IGDCC4: variants seen among roughly 807,000 people sequenced by gnomAD.
IGDCC4 encodes the protein likely ortholog of mouse neighbor of Punc E11.
In IGDCC4, 72 loss-of-function variants were observed where a neutral mutation model predicts 116.6. That is an observed-to-expected ratio of 0.62 (90% confidence interval 0.51 to 0.75). The LOEUF (loss-of-function observed/expected upper bound fraction) is 0.75, where lower values mean the gene tolerates loss of function less well. Ranked by LOEUF, IGDCC4 falls within the 30% of genes least tolerant of loss-of-function variation. The pLI is 0.00. For missense variants in IGDCC4, 1,501 were observed against 1,662.4 expected (o/e 0.90, Z 1.69); for synonymous variants, 709 against 719.9 (o/e 0.98, Z 0.24).
chr15:65,385,223 C>A, intron 18 of IGDCC4, 108 bp from the exon 19 acceptor site: 1 of 1,125,184 alleles, frequency 8.9e-7, no homozygotes, highest in East Asian at 2.7e-5. Context: ...AGGGTCCAGA[C>A]TGTCACCCGC....
intron 5 of IGDCC4, among the ~76,000 whole-genome samples, chr15:65,397,215 C>T (rs2062937057): frequency 6.6e-6 from 1 of 152,196 alleles, no homozygotes; most frequent in Admixed American, 6.5e-5. Flanking sequence ...GAAAGAATGT[C>T]AGAACCCCTG....
rs761621429 is a variant in IGDCC4, at chr15:65,388,901, T to TG, written c.2613dup (p.Thr872HisfsTer22). ...TCCACGATCTCCCCGTTGGGCTCTG[T>TG]GGGGGGGCACCAGTGCAGCCGAACC... On this transcript the variant is annotated frameshift_variant, in exon 15 of 20. Coordinates refer to ENST00000352385, the MANE Select transcript of IGDCC4 (RefSeq NM_020962.3). LOFTEE classifies it high-confidence loss of function. 2.2e-5 allele frequency: 35 copies of TG among 1,612,590 alleles called. No homozygotes were observed. The highest frequency in any genetic ancestry group is 8.0e-5 in the African/African-American group (6 of 74,576).
At chr15:65,403,912 G>T (rs1469047522) in intron 3 of IGDCC4, among the ~76,000 whole-genome samples, 1 of 152,152 alleles carries the variant, frequency 6.6e-6, no homozygotes, top group East Asian at 1.9e-4. Flanking sequence ...ACCTAAGGAG[G>T]GGGTGAATGG....
In IGDCC4 at chr15:65,402,425, G is replaced by C; in HGVS notation, c.626C>G (p.Pro209Arg). ...TGAGTTGGTGGCCACGCAGCGGTAG[G>C]GGCCTGCATCACTCTCCTGAACATC... is the stretch of plus-strand genomic sequence containing the variant. Reference protein sequence around the residue: ...ILDVQESDAGPYRCVATNSAR... With the variant: ...ILDVQESDAGRYRCVATNSAR... Residue 209 changes from proline to arginine, a missense_variant, in exon 4 of 20, where the codon CCC becomes CGC. This residue lies in a region of IGDCC4 where 898 missense variants were observed against 978.9 expected (regional missense o/e 0.92). Transcript: ENST00000352385. 1 of 1,567,666 alleles carries C rather than the reference G, an allele frequency of 6.4e-7. No individual in the cohort carries two copies. Among genetic ancestry groups the C allele is most frequent in the Non-Finnish European group, 8.7e-7 (1 of 1,155,484 alleles).
chr15:65,396,034 C>G lies in IGDCC4; in HGVS notation c.1127G>C (p.Arg376Pro). The G allele has an allele frequency of 6.8e-7, 1 of 1,465,140 alleles. No homozygotes were observed. Among genetic ancestry groups the G allele is most frequent in the Non-Finnish European group, 9.0e-7 (1 of 1,113,994 alleles). 90.8% of individuals were successfully genotyped at this position (1,465,140 alleles called of 1,614,324 possible). ...CTGGACCTTGACGCGCCCGTTGGGC[C>G]GCAGCGGCGCCCCGTTGTGCAGCCA... Reference protein sequence around the residue: ...LRWLHNGAPLRPNGRVKVQGG... With the variant: ...LRWLHNGAPLPPNGRVKVQGG... The change falls in exon 7 of 20, where the codon CGG (arginine) becomes CCG (proline). Residue 376 changes from arginine (R) to proline (P), a missense_variant. Coordinates refer to ENST00000352385, the MANE Select transcript of IGDCC4 (RefSeq NM_020962.3).
chr15:65,385,334 A>G, intron 18 of IGDCC4: 1 of 582,830 alleles, frequency 1.7e-6, no homozygotes, highest in Non-Finnish European at 3.0e-6. Flanking sequence ...GCGGAACACC[A>G]GACGCTCTGC....
chr15:65,400,919 T>C lies in IGDCC4; in HGVS notation c.728A>G (p.Asp243Gly). 1 of 1,614,108 alleles carries C rather than the reference T, an allele frequency of 6.2e-7. No homozygotes were observed. Among genetic ancestry groups the C allele is most frequent in the Non-Finnish European group, 8.5e-7 (1 of 1,180,008 alleles). Residue 243 changes from aspartate (D) to glycine (G), a missense_variant, in exon 5 of 20, where the codon GAC becomes GGC. Physicochemically the swap from Asp to Gly is moderately conservative, Grantham distance 94. Transcript: ENST00000352385. ...RGSLASTRGQDVVIVAAPENT... is the reference protein window; with the variant it reads ...RGSLASTRGQGVVIVAAPENT... ...CTCTGGGGCTGCCACAATGACCACG[T>C]CCTGCCCCCTGGTGGACGCCAGGGA...
At position 65,388,541 on chromosome 15, in the gene IGDCC4, C is replaced by T. The variant is rs202023951; in HGVS notation, c.2753G>A (p.Arg918Gln). The T allele has an allele frequency of 9.0e-5, 145 of 1,613,996 alleles. No homozygotes were observed. The African/African-American group carries it at 1.5e-3, about 16-fold the overall frequency. ...AEVHGLESDTRYFFKMGARTE... is the reference protein window; with the variant it reads ...AEVHGLESDTQYFFKMGARTE... ...GCGCGCCCCCATCTTGAAGAAGTAC[C>T]GAGTGTCGCTCTCCAGGCCATGGAC... is the stretch of plus-strand genomic sequence containing the variant. The change falls in exon 16 of 20, where the codon CGG becomes CAG. Residue 918 changes from arginine to glutamine, a missense_variant. Arg to Gln is a conservative substitution (Grantham distance 43). Transcript: ENST00000352385.
In IGDCC4 at chr15:65,383,783, A is replaced by G. The variant is rs913026061; in HGVS notation, c.*226T>C. Reference sequence around the variant, plus strand: ...TGCACTTCACACATGTGCACATCACATGTAGCTATGTCTCGTATGTCTTTC... The same window carrying G: ...TGCACTTCACACATGTGCACATCACGTGTAGCTATGTCTCGTATGTCTTTC... On this transcript the variant is annotated 3_prime_UTR_variant, in exon 20 of 20. Transcript: ENST00000352385. 4.2e-6 allele frequency: 2 copies of G among 480,812 alleles called. No individual in the cohort carries two copies. The highest frequency in any genetic ancestry group is 8.5e-5 in the South Asian group (2 of 23,550). 29.8% of individuals were successfully genotyped at this position (480,812 alleles called of 1,614,324 possible). A position where few individuals can be genotyped will look rare whatever the true frequency, so the allele number is the denominator to read the frequency against.
chr15:65,394,397 C>A lies in IGDCC4; in HGVS notation c.1714+14G>T. 3 of 1,613,638 alleles carry A rather than the reference C, an allele frequency of 1.9e-6. No individual in the cohort carries two copies. The highest frequency in any genetic ancestry group is 2.5e-6 in the Non-Finnish European group (3 of 1,179,960). On this transcript the variant is annotated intron_variant, in intron 9 of 19. Transcript: ENST00000352385. ...ATTCCCATACATGCCTGCAGCCCAC[C>A]CACCCCCACTCACCTTCCTTTCCCA... is the stretch of plus-strand genomic sequence containing the variant.
Position 65,384,281 on chromosome 15 carries a change from G to A in IGDCC4, c.3481C>T (p.Pro1161Ser), listed in dbSNP as rs781336641. ...CCCGAGATGAGATCAGGAGCCTCTGGAGGCAGGGGGTCCTCAGGCTCCAGG... is the reference window on the plus strand; with the variant it reads ...CCCGAGATGAGATCAGGAGCCTCTGAAGGCAGGGGGTCCTCAGGCTCCAGG... ...QDLEPEDPLP[P>S]EAPDLISGVG... Residue 1161 changes from proline to serine, a missense_variant, in exon 20 of 20, where the codon CCA becomes TCA. Pro to Ser is a moderately conservative substitution (Grantham distance 74). This residue lies in a region of IGDCC4 where 368 missense variants were observed against 355.6 expected (regional missense o/e 1.03). Transcript: ENST00000352385. The surrounding 1 kb of genome is among the most constrained non-coding windows in gnomAD (Gnocchi z 4.9). 2 of 1,607,226 alleles carry A rather than the reference G, an allele frequency of 1.2e-6. No individual in the cohort carries two copies. Among genetic ancestry groups the A allele is most frequent in the Non-Finnish European group, 1.7e-6 (2 of 1,176,476 alleles).
At chr15:65,408,908 A>T (rs2063063882) in intron 3 of IGDCC4, among the ~76,000 whole-genome samples, 1 of 141,430 alleles carries the variant, frequency 7.1e-6, no homozygotes, top group East Asian at 2.1e-4. Flanking sequence ...CAGTGGCATT[A>T]TTCCAGCTCA....
At chr15:65,404,054 G>T (rs889530498) in intron 3 of IGDCC4, among the ~76,000 whole-genome samples, 36 of 152,142 alleles carry the variant, frequency 2.4e-4, no homozygotes, top group African/African-American at 8.2e-4. Context: ...GAAGGGGGCA[G>T]TTGTGCGCTT....
At chr15:65,401,061 C>G (rs1160361133) in intron 4 of IGDCC4, 115 bp from the exon 5 acceptor site, 3 of 1,332,398 alleles carry the variant, frequency 2.3e-6, no homozygotes, top group Non-Finnish European at 3.1e-6. Flanking sequence ...AGCAATGATT[C>G]CATCTGTCAG....
Position 65,384,894 on chromosome 15 carries a change from C to T in IGDCC4, c.3342+60G>A, listed in dbSNP as rs1595773592. The T allele has an allele frequency of 5.0e-5, 77 of 1,545,010 alleles. No individual in the cohort carries two copies. The South Asian group carries it at 8.3e-4, about 17-fold the overall frequency. ...GGGTCTCCAGAGAACTCATTACTTC[C>T]TCTTCACAAGCACAGAGACCCTTTC... is the stretch of plus-strand genomic sequence containing the variant. On this transcript the variant is annotated intron_variant, in intron 19 of 19. Transcript: ENST00000352385. This position sits in a 1 kb window ranked among gnomAD's most constrained non-coding sequence, Gnocchi z 4.9.
rs575112120 is a variant in IGDCC4 at position 65,413,213 on chromosome 15, C to A, written c.71-1843G>T. Reference sequence around the variant, plus strand: ...AATTGTTAAGTGCCCCAGGTAGGGACTAGACTCAAGCTGGATTCAGACCCA... The same window carrying A: ...AATTGTTAAGTGCCCCAGGTAGGGAATAGACTCAAGCTGGATTCAGACCCA... On this transcript the variant is annotated intron_variant, in intron 1 of 19. Transcript: ENST00000352385. Among the ~76,000 whole-genome samples, 6 of 152,196 alleles carry A rather than the reference C, an allele frequency of 3.9e-5. No homozygotes were observed. The South Asian group carries it at 6.2e-4, about 16-fold the overall frequency.
In IGDCC4 at chr15:65,392,115, T is replaced by TCCCCCCC; in HGVS notation, c.2122+18_2122+19insGGGGGGG. 1 of 811,632 alleles carries TCCCCCCC rather than the reference T, an allele frequency of 1.2e-6. No individual in the cohort carries two copies. The highest frequency in any genetic ancestry group is 2.4e-5 in the Admixed American group (1 of 42,356). 50.3% of individuals were successfully genotyped at this position (811,632 alleles called of 1,614,324 possible). A position where few individuals can be genotyped will look rare whatever the true frequency, so the allele number is the denominator to read the frequency against. On this transcript the variant is annotated intron_variant, in intron 11 of 19. Coordinates refer to ENST00000352385, the MANE Select transcript of IGDCC4 (RefSeq NM_020962.3). ...CTGAAGCTACATCCCTCCCTCCCCC[T>TCCCCCCC]CCCCCCAGCCCTCCTCACCTAGCTG...
In IGDCC4 at chr15:65,386,603, G is replaced by A; in HGVS notation, c.2899C>T (p.Leu967Phe). The A allele has an allele frequency of 6.2e-7, 1 of 1,612,368 alleles. No individual in the cohort carries two copies. The highest frequency in any genetic ancestry group is 8.5e-7 in the Non-Finnish European group (1 of 1,179,788). ...CACATGCAGGCCAGGAGGCAGAGGA[G>A]GCCCAGGCAGACACCCACGATGATG... ...TGIIVGVCLG[L>F]LCLLACMCAG... The change falls in exon 17 of 20, where the codon CTC becomes TTC. Residue 967 changes from leucine (L) to phenylalanine (F), a missense_variant. This residue lies in a region of IGDCC4 where 235 missense variants were observed against 328.0 expected (regional missense o/e 0.72). Transcript: ENST00000352385.
In IGDCC4 at chr15:65,402,347, T is replaced by A; in HGVS notation, c.700+4A>T. On this transcript the variant is annotated splice_donor_region_variant and intron_variant, in intron 4 of 19. Coordinates refer to ENST00000352385, the MANE Select transcript of IGDCC4 (RefSeq NM_020962.3). ...AGGTTTCCCCACCCAGCCAGCCCCC[T>A]TACCTCTGTGGGCCACACTGAGTAG... The A allele has an allele frequency of 1.9e-6, 3 of 1,563,648 alleles. No individual in the cohort carries two copies. The highest frequency in any genetic ancestry group is 2.6e-6 in the Non-Finnish European group (3 of 1,153,406).
Sources: gnomAD v4.1 joint callset for allele counts (sites outside exome capture counted in the v4.1 genomes callset) on GRCh38, gnomAD v4.1.1 for gene constraint, gnomAD v4.1.1 regional missense constraint, Gnocchi (gnomAD v3.1) non-coding constraint, MANE v1.5 for transcripts, NCBI Gene and HGNC (gene_info 2026-07-23, HGNC 2026-07-21) for gene names.